The following TBX19 variants were observed in gnomAD, a reference collection of about 807,000 sequenced individuals.
TBX19 encodes the protein T-box transcription factor 19.
In TBX19, 33 loss-of-function variants were observed where a neutral mutation model predicts 40.9. The observed-to-expected ratio is 0.81, with a 90% CI of 0.61 to 1.08. The LOEUF (loss-of-function observed/expected upper bound fraction) is 1.08, where lower values mean the gene tolerates loss of function less well. Ranked by LOEUF, TBX19 falls within the 50% of genes least tolerant of loss-of-function variation. The probability of loss-of-function intolerance (pLI) is 0.00; values close to 1 mark genes in which losing one functional copy is unlikely to be tolerated. For synonymous variants in TBX19, 220 were observed against 225.0 expected (o/e 0.98, Z 0.20); for missense variants, 494 against 574.0 (o/e 0.86, Z 1.42).
At position 168,293,292 on chromosome 1, in the gene TBX19, TG is replaced by T; in HGVS notation, c.603+15del. On this transcript the variant is annotated intron_variant, in intron 3 of 7. Transcript: ENST00000367821. ...CAGAATGAGGAGGTAAGAGTGTGTG[TG>T]TGTGTGTGTGTGTGTGTGTGTGTGT... The T allele has an allele frequency of 1.5e-6, 2 of 1,347,586 alleles. No individual in the cohort carries two copies. The highest frequency in any genetic ancestry group is 2.0e-6 in the Non-Finnish European group (2 of 1,008,326). 83.5% of individuals were successfully genotyped at this position (1,347,586 alleles called of 1,614,324 possible).
At chr1:168,299,418 A>G (rs1286939041) in intron 4 of TBX19, among the ~76,000 whole-genome samples, 1 of 152,176 alleles carries the variant, frequency 6.6e-6, no homozygotes, top group Non-Finnish European at 1.5e-5. Flanking sequence ...CTCTAGATTA[A>G]TGGACAGATG....
At chr1:168,309,598 TGGCCTCAC>T (rs1649478546) in intron 7 of TBX19, among the ~76,000 whole-genome samples, 1 of 152,166 alleles carries the variant, frequency 6.6e-6, no homozygotes, top group African/African-American at 2.4e-5. Context: ...TGTGGATGCC[TGGCCTCAC>T]GACCCTGGTA....
intron 3 of TBX19, 82 bp from the exon 4 acceptor site, chr1:168,297,642 C>A: frequency 7.9e-7 from 1 of 1,267,510 alleles, no homozygotes; most frequent in Non-Finnish European, 1.1e-6. Context: ...GGGAATTAAA[C>A]TGGTTTTACA....
At chr1:168,282,730 A>C (rs1367846873) in intron 1 of TBX19, among the ~76,000 whole-genome samples, 1 of 152,182 alleles carries the variant, frequency 6.6e-6, no homozygotes, top group Non-Finnish European at 1.5e-5. Context: ...CAACTGTAAA[A>C]ATTTTATTAT....
chr1:168,296,248 T>C, intron 3 of TBX19, among the ~76,000 whole-genome samples: 1 of 152,182 alleles, frequency 6.6e-6, no homozygotes, highest in East Asian at 1.9e-4. Flanking sequence ...CACACCTCTT[T>C]TTCCTCTTTC....
chr1:168,298,367 A>T (rs1274679205), intron 4 of TBX19, among the ~76,000 whole-genome samples: 1 of 152,182 alleles, frequency 6.6e-6, no homozygotes, highest in East Asian at 1.9e-4. Flanking sequence ...CAATCACATT[A>T]AAAAAATTAA....
intron 3 of TBX19, among the ~76,000 whole-genome samples, chr1:168,294,093 T>C (rs757880433): frequency 6.6e-6 from 1 of 152,200 alleles, no homozygotes; most frequent in Non-Finnish European, 1.5e-5. Context: ...AAATTTTCTA[T>C]GTATATGTAA....
chr1:168,310,674 A>AT (rs534860356), intron 7 of TBX19, among the ~76,000 whole-genome samples: 86 of 146,592 alleles, frequency 5.9e-4, no homozygotes, highest in African/African-American at 2.0e-3. Context: ...ATATATATAT[A>AT]AAAAAATATA....
intron 6 of TBX19, among the ~76,000 whole-genome samples, chr1:168,306,730 T>G (rs940717059): frequency 8.6e-5 from 13 of 151,516 alleles, no homozygotes; most frequent in African/African-American, 2.9e-4. Flanking sequence ...AAACATCACC[T>G]GGGAACTTGT....
At chr1:168,292,950 C>G (rs1648983405) in intron 2 of TBX19, among the ~76,000 whole-genome samples, 194 bp from the exon 3 acceptor site, 1 of 151,354 alleles carries the variant, frequency 6.6e-6, no homozygotes, top group South Asian at 2.1e-4. Context: ...GTTATGCTTC[C>G]TGGAGCTTCT....
chr1:168,303,537 G>T (rs539264174), intron 5 of TBX19, among the ~76,000 whole-genome samples: 169 of 152,226 alleles, frequency 1.1e-3, no homozygotes, highest in African/African-American at 4.0e-3. Context: ...AAGGGTTCTT[G>T]GACCTCATGC....
At position 168,281,130 on chromosome 1, in the gene TBX19, G is replaced by A; in HGVS notation, c.40G>A (p.Gly14Ser). ...GCTGGGCACTCGGAAGCCCAGCGATGGCACTGTTTCTCATCTGCTCAATGT... is the reference window on the plus strand; with the variant it reads ...GCTGGGCACTCGGAAGCCCAGCGATAGCACTGTTTCTCATCTGCTCAATGT... ...SELGTRKPSDGTVSHLLNVVE... is the reference protein window; with the variant it reads ...SELGTRKPSDSTVSHLLNVVE... The change falls in exon 1 of 8, where the codon GGC becomes AGC. Residue 14 changes from glycine to serine, a missense_variant. Coordinates refer to ENST00000367821, the MANE Select transcript of TBX19 (RefSeq NM_005149.3). 1 of 1,614,136 alleles carries A rather than the reference G, an allele frequency of 6.2e-7. No individual in the cohort carries two copies. Among genetic ancestry groups the A allele is most frequent in the South Asian group, 1.1e-5 (1 of 91,074 alleles).
chr1:168,288,381 C>G (rs1385102430), intron 1 of TBX19, among the ~76,000 whole-genome samples: 1 of 152,012 alleles, frequency 6.6e-6, no homozygotes, highest in Non-Finnish European at 1.5e-5. Flanking sequence ...GGAGGCCTGA[C>G]TGTACATGAT....
rs931286043 is a variant in TBX19 at position 168,313,242 on chromosome 1, C to T, written c.*240C>T. ...CCATTTTCTCTGCAGCTTATTCTTG[C>T]CATGCTTAGGTGACAGAAGTTTGTT... On this transcript the variant is annotated 3_prime_UTR_variant, in exon 8 of 8. Transcript: ENST00000367821. 8.5e-6 allele frequency: 5 copies of T among 589,458 alleles called. No homozygotes were observed. In the Admixed American group the frequency reaches 1.5e-4, roughly 17 times the overall value. 36.5% of individuals were successfully genotyped at this position (589,458 alleles called of 1,614,324 possible).
chr1:168,308,569 A>C (rs1649457647), intron 6 of TBX19, 173 bp from the exon 7 acceptor site: 1 of 773,082 alleles, frequency 1.3e-6, no homozygotes, highest in African/African-American at 1.7e-5. Context: ...TATGGTTGAC[A>C]TTGAGGAAAC....
intron 5 of TBX19, among the ~76,000 whole-genome samples, chr1:168,301,512 C>G (rs557179964): frequency 4.3e-4 from 65 of 152,260 alleles, no homozygotes; most frequent in East Asian, 4.2e-3. Flanking sequence ...CCGCCTGCCT[C>G]GACCTCCCAA....
chr1:168,283,152 C>T (rs769601257), intron 1 of TBX19, among the ~76,000 whole-genome samples: 3 of 152,196 alleles, frequency 2.0e-5, no homozygotes, highest in South Asian at 2.1e-4. Flanking sequence ...CTGGGCAACA[C>T]GGTGAGACCC....
chr1:168,294,519 T>C (rs535314550), intron 3 of TBX19, among the ~76,000 whole-genome samples: 1 of 151,100 alleles, frequency 6.6e-6, no homozygotes, highest in South Asian at 2.1e-4. Context: ...TGTTTTTTTT[T>C]GAGACAGAGT....
chr1:168,295,998 C>T (rs1268266840), intron 3 of TBX19, among the ~76,000 whole-genome samples: 1 of 152,204 alleles, frequency 6.6e-6, no homozygotes, highest in Non-Finnish European at 1.5e-5. Context: ...TGACTCGCTA[C>T]TCCTGGGTCT....
Sources: allele counts gnomAD v4.1 joint callset (sites outside exome capture counted in the v4.1 genomes callset), GRCh38; gene constraint gnomAD v4.1.1; transcripts MANE v1.5; gene names NCBI Gene and HGNC (gene_info 2026-07-23, HGNC 2026-07-21).